PCDH15: variants seen among roughly 807,000 people sequenced by gnomAD.
PCDH15 encodes the protein protocadherin-15.
Under a neutral mutation model 178.5 loss-of-function variants are expected in PCDH15, and 129 were observed. That is an observed-to-expected ratio of 0.72 (90% CI 0.63 to 0.84). The LOEUF (loss-of-function observed/expected upper bound fraction) is 0.84, where lower values mean the gene tolerates loss of function less well. Ranked by LOEUF, PCDH15 falls within the 40% of genes least tolerant of loss-of-function variation. PCDH15 has a pLI of 0.00. For synonymous variants in PCDH15, 800 were observed against 732.0 expected (o/e 1.09, Z -1.50); for missense variants, 2,230 against 2,099.9 (o/e 1.06, Z -1.21).
chr10:54,598,515 T>A (rs2092353569), intron 2 of PCDH15, among the ~76,000 whole-genome samples: 1 of 152,124 alleles, frequency 6.6e-6, no homozygotes, highest in African/African-American at 2.4e-5. Context: ...ACAGCCAACA[T>A]CAGACTGAAT....
chr10:55,476,278 G>C (rs909904684), intron 2 of PCDH15, among the ~76,000 whole-genome samples: 5 of 152,090 alleles, frequency 3.3e-5, no homozygotes, highest in Non-Finnish European at 1.5e-5. Flanking sequence ...AGTTGCCTTT[G>C]AGAATAGAAA....
At position 55,226,109 on chromosome 10, in the gene PCDH15, A is replaced by T. The variant is rs75395425; in HGVS notation, c.-155-59458T>A. ...ATCAAATCAAACTATGCTTAAACAC[A>T]TCAGTTAATAAGGCTTGAACAAACA... On this transcript the variant is annotated intron_variant, in intron 1 of 5. Coordinates refer to the PCDH15 transcript ENST00000458638. Among the ~76,000 whole-genome samples, 359 of 152,220 alleles carry T rather than the reference A, an allele frequency of 2.4e-3. 6 individuals carry two copies. The highest frequency in any genetic ancestry group is 0.016 in the Admixed American group (242 of 15,304).
At chr10:54,427,864 T>A (rs1053120566) in intron 3 of PCDH15, among the ~76,000 whole-genome samples, 2 of 152,164 alleles carry the variant, frequency 1.3e-5, no homozygotes, top group African/African-American at 4.8e-5. Flanking sequence ...ATTGCAATCG[T>A]CATGTGTAGC....
intron 3 of PCDH15, among the ~76,000 whole-genome samples, chr10:54,430,149 G>A (rs1018859955): frequency 4.0e-5 from 6 of 149,568 alleles, no homozygotes; most frequent in African/African-American, 9.9e-5. Flanking sequence ...TCCACCTTCT[G>A]GGTTCAAGTG....
intron 28 of PCDH15, among the ~76,000 whole-genome samples, chr10:53,843,043 T>C (rs917727164): frequency 1.3e-5 from 2 of 152,142 alleles, no homozygotes; most frequent in Admixed American, 6.6e-5. Context: ...CTAAAAAAAA[T>C]AGATGTGGAA....
chr10:55,101,342 T>C (rs192504408), intron 2 of PCDH15, among the ~76,000 whole-genome samples: 8 of 152,042 alleles, frequency 5.3e-5, no homozygotes, highest in African/African-American at 1.2e-4. Context: ...TGAGCTGAGA[T>C]TGTGCCACTG....
At chr10:54,065,273 G>C (rs1306369896) in intron 18 of PCDH15, among the ~76,000 whole-genome samples, 1 of 152,196 alleles carries the variant, frequency 6.6e-6, no homozygotes, top group Non-Finnish European at 1.5e-5. Context: ...TGATGCATGA[G>C]TTTGCATCTT....
At chr10:54,752,765 G>A (rs917975024) in intron 1 of PCDH15, among the ~76,000 whole-genome samples, 4 of 148,568 alleles carry the variant, frequency 2.7e-5, no homozygotes, top group Admixed American at 1.4e-4. Flanking sequence ...TTTATCAGCC[G>A]TCAGGAAGGA....
intron 3 of PCDH15, among the ~76,000 whole-genome samples, chr10:54,812,678 C>T (rs1408418920): frequency 6.6e-6 from 1 of 151,804 alleles, no homozygotes; most frequent in Non-Finnish European, 1.5e-5. Context: ...AGGATGATGT[C>T]GATCTCTTGA....
chr10:55,205,814 AAAAG>A (rs1313934903), intron 1 of PCDH15, among the ~76,000 whole-genome samples: 2 of 152,044 alleles, frequency 1.3e-5, no homozygotes, highest in African/African-American at 4.8e-5. Flanking sequence ...GGCAATTTAC[AAAAG>A]AAAGAGGTTT....
At chr10:53,998,228 G>A (rs1049656902) in intron 20 of PCDH15, among the ~76,000 whole-genome samples, 5 of 152,042 alleles carry the variant, frequency 3.3e-5, no homozygotes, top group Middle Eastern at 3.4e-3. Context: ...CATAATATTT[G>A]TTTCTTTTGG....
At chr10:55,578,103 C>A (rs1488010821) in intron 2 of PCDH15, among the ~76,000 whole-genome samples, 1 of 152,146 alleles carries the variant, frequency 6.6e-6, no homozygotes, top group Non-Finnish European at 1.5e-5. Context: ...AAAAAAATTA[C>A]AAATACTTCT....
chr10:54,467,515 A>G (rs991008496), intron 3 of PCDH15, among the ~76,000 whole-genome samples: 5 of 144,850 alleles, frequency 3.5e-5, no homozygotes, highest in Admixed American at 6.9e-5. Flanking sequence ...ATTATGGTGC[A>G]TTATCTTTTG....
intron 2 of PCDH15, among the ~76,000 whole-genome samples, chr10:55,063,950 G>C (rs1389639548): frequency 6.6e-6 from 1 of 152,056 alleles, no homozygotes; most frequent in African/African-American, 2.4e-5. Flanking sequence ...GATCAAATCA[G>C]GATATTAAAT....
intron 6 of PCDH15, among the ~76,000 whole-genome samples, chr10:54,345,824 A>C (rs1441873658): frequency 5.4e-5 from 8 of 147,910 alleles, no homozygotes; most frequent in Admixed American, 4.7e-4. Flanking sequence ...AAAAAAAAAA[A>C]AAAAAAAAAA....
chr10:55,018,908 A>C (rs1416134698), intron 2 of PCDH15, among the ~76,000 whole-genome samples: 1 of 152,130 alleles, frequency 6.6e-6, no homozygotes, highest in Non-Finnish European at 1.5e-5. Flanking sequence ...CTTAGAATAT[A>C]ATACATGGCA....
intron 1 of PCDH15, among the ~76,000 whole-genome samples, chr10:54,793,728 G>GTA (rs1439381564): frequency 2.7e-5 from 4 of 147,910 alleles, no homozygotes; most frequent in Non-Finnish European, 4.5e-5. Flanking sequence ...ATACACTTGT[G>GTA]TATATATATG....
intron 9 of PCDH15, among the ~76,000 whole-genome samples, chr10:54,223,304 CAAA>C (rs57667414): frequency 2.0e-4 from 6 of 30,680 alleles, no homozygotes; most frequent in South Asian, 1.2e-3. Context: ...AACTACGTCT[CAAA>C]AAAAAAAAAA....
intron 1 of PCDH15, among the ~76,000 whole-genome samples, chr10:54,720,130 G>C (rs1289407382): frequency 1.3e-5 from 2 of 152,058 alleles, no homozygotes; most frequent in African/African-American, 4.8e-5. Flanking sequence ...GTGGAAGATA[G>C]TATGGTGATT....
Sources: gnomAD v4.1 joint callset for allele counts (sites outside exome capture counted in the v4.1 genomes callset) on GRCh38, gnomAD v4.1.1 for gene constraint, MANE v1.5 for transcripts, NCBI Gene and HGNC (gene_info 2026-07-23, HGNC 2026-07-21) for gene names.